C16orf89: variants seen among roughly 807,000 people sequenced by gnomAD.
C16orf89 encodes UPF0764 protein C16orf89.
In C16orf89, 57 loss-of-function variants were observed where a neutral mutation model predicts 41.5. That is an observed-to-expected ratio of 1.38 (90% confidence interval 1.11 to 1.71). C16orf89 has a LOEUF of 1.71. Ranked by LOEUF, C16orf89 falls within the 40% of genes most tolerant of loss-of-function variation. The pLI is 0.00. For synonymous variants in C16orf89, 223 were observed against 190.6 expected, an observed-to-expected ratio of 1.17 and a Z score of -1.40; for missense variants, 575 against 445.9, an observed-to-expected ratio of 1.29 and a Z score of -2.61.
rs1379027437 is a variant in C16orf89 at position 5,062,534 on chromosome 16, G to C, written c.249C>G (p.Pro83=). 7 of 1,613,490 alleles carry C rather than the reference G, an allele frequency of 4.3e-6. No individual in the cohort carries two copies. The South Asian group carries it at 7.7e-5, about 18-fold the overall frequency. ...CGCGCAGGCTCAGCGGCTGCAGCAG[G>C]GGCTCCTGGGCCCACTTCTCCCGGA... ...KSVREKWAQE[P]LLQPLSLRVG... The change falls in exon 2 of 8, where the codon CCC becomes CCG. Residue 83 remains proline, a synonymous_variant. Coordinates refer to ENST00000472572, the MANE Select transcript of C16orf89 (RefSeq NM_001098514.3).
chr16:5,045,002 C>T (rs1264784008), intron 7 of C16orf89, among the ~76,000 whole-genome samples: 3 of 152,176 alleles, frequency 2.0e-5, no homozygotes, highest in African/African-American at 7.2e-5. Context: ...TCCCAAATAA[C>T]TTACCAATAC....
At position 5,065,845 on chromosome 16, in the gene C16orf89, A is replaced by G. The variant is rs1401604880; in HGVS notation, c.64T>C (p.Ser22Pro). Residue 22 changes from serine to proline, a missense_variant, in exon 1 of 8, where the codon TCA becomes CCA. Transcript: ENST00000472572. ...TCAGCAGTGTCCAGCCCAGGCAGTG[A>G]GGAGGACCACAGCGGTGGCAGTGCT... ...LTALPPLWSS[S>P]LPGLDTAESK... 1 of 1,614,216 alleles carries G rather than the reference A, an allele frequency of 6.2e-7. No homozygotes were observed. Among genetic ancestry groups the G allele is most frequent in the South Asian group, 1.1e-5 (1 of 91,086 alleles).
intron 6 of C16orf89, 91 bp downstream of exon 6, chr16:5,055,155 C>T (rs1286855430): frequency 9.2e-7 from 1 of 1,090,518 alleles, no homozygotes; most frequent in Admixed American, 2.2e-5. Context: ...ACCTTAACAC[C>T]AATGCATTGT....
At chr16:5,050,920 T>TA (rs1433778802) in intron 6 of C16orf89, among the ~76,000 whole-genome samples, 1 of 152,208 alleles carries the variant, frequency 6.6e-6, no homozygotes, top group Non-Finnish European at 1.5e-5. Flanking sequence ...ATAAATATGA[T>TA]ACATTACACC....
intron 4 of C16orf89, among the ~76,000 whole-genome samples, chr16:5,057,456 G>A (rs1378100759): frequency 6.8e-6 from 1 of 147,054 alleles, no homozygotes. Context: ...ATAAAGAAAA[G>A]AAATATATAT....
chr16:5,051,213 C>G (rs1450742024), intron 6 of C16orf89, among the ~76,000 whole-genome samples: 1 of 151,846 alleles, frequency 6.6e-6, no homozygotes, highest in Admixed American at 6.6e-5. Flanking sequence ...AGCAATTAAG[C>G]AAGAGAAACA....
downstream of C16orf89, chr16:5,043,999 TAAAA>T (rs35753287): frequency 1.5e-4 from 58 of 376,874 alleles, no homozygotes; most frequent in Non-Finnish European, 2.0e-4. Flanking sequence ...ATCTATTAAT[TAAAA>T]AAAAAAAAAA....
chr16:5,055,506 C>G (rs1596694236), intron 5 of C16orf89, 156 bp from the exon 6 acceptor site: 1 of 944,664 alleles, frequency 1.1e-6, no homozygotes, highest in East Asian at 2.6e-5. Flanking sequence ...CAGCTTGAGC[C>G]TTTGCCTGAC....
intron 2 of C16orf89, among the ~76,000 whole-genome samples, chr16:5,061,511 C>CAAAA (rs71139679): frequency 1.4e-5 from 1 of 71,192 alleles, no homozygotes. Context: ...AAAACCCCCC[C>CAAAA]AAAAAAAAAA....
intron 4 of C16orf89, among the ~76,000 whole-genome samples, chr16:5,057,236 CAAAA>C (rs574771708): frequency 1.3e-5 from 1 of 76,378 alleles, no homozygotes; most frequent in South Asian, 3.5e-4. Flanking sequence ...GACTCCATCT[CAAAA>C]AAAAAAAAAG....
intron 7 of C16orf89, 46 bp downstream of exon 7, chr16:5,047,832 A>G (rs1339842868): frequency 9.2e-7 from 1 of 1,088,242 alleles, no homozygotes; most frequent in Non-Finnish European, 1.4e-6. Context: ...TTTTGCTAGG[A>G]TATCTTAGTT....
intron 6 of C16orf89, among the ~76,000 whole-genome samples, chr16:5,049,198 C>A (rs546010209): frequency 6.6e-6 from 1 of 152,054 alleles, no homozygotes; most frequent in African/African-American, 2.4e-5. Flanking sequence ...ACTGGAGAAC[C>A]CTAAAGCAAA....
In C16orf89 at chr16:5,044,314, C is replaced by T. The variant is rs1190903006; in HGVS notation, c.*34G>A. The T allele has an allele frequency of 6.4e-7, 1 of 1,567,886 alleles. No homozygotes were observed. Among genetic ancestry groups the T allele is most frequent in the South Asian group, 1.2e-5 (1 of 83,316 alleles). On this transcript the variant is annotated 3_prime_UTR_variant, in exon 8 of 8. Coordinates refer to ENST00000472572, the MANE Select transcript of C16orf89 (RefSeq NM_001098514.3). ...GGGATGAGGACTAAAGGGGTCTGTTCCTCCTCCAGGCAGCTGGCATGGAAC... is the reference window on the plus strand; with the variant it reads ...GGGATGAGGACTAAAGGGGTCTGTTTCTCCTCCAGGCAGCTGGCATGGAAC...
At chr16:5,065,622 A>G (rs1317359003) in intron 1 of C16orf89, 79 bp downstream of exon 1, 5 of 1,449,176 alleles carry the variant, frequency 3.5e-6, no homozygotes, top group African/African-American at 2.8e-5. Context: ...GCCAGGTCCC[A>G]GGCGTACAGA....
At chr16:5,054,557 C>T (rs559419075) in intron 6 of C16orf89, among the ~76,000 whole-genome samples, 52 of 152,282 alleles carry the variant, frequency 3.4e-4, no homozygotes, top group African/African-American at 1.2e-3. Context: ...TTCCTCAGGC[C>T]TCTAGTTTTC....
At chr16:5,054,210 G>A (rs994693260) in intron 6 of C16orf89, among the ~76,000 whole-genome samples, 2 of 152,170 alleles carry the variant, frequency 1.3e-5, no homozygotes, top group South Asian at 2.1e-4. Flanking sequence ...CAGGCTATGC[G>A]GCTTCAAATG....
intron 6 of C16orf89, among the ~76,000 whole-genome samples, chr16:5,050,867 C>G (rs888543454): frequency 5.3e-5 from 8 of 152,108 alleles, no homozygotes; most frequent in African/African-American, 1.9e-4. Context: ...AACAAGGGGA[C>G]TTTATTGGAG....
In C16orf89 at chr16:5,058,425, G is replaced by A. The variant is rs907385358; in HGVS notation, c.627+68C>T. The A allele has an allele frequency of 7.9e-6, 11 of 1,387,630 alleles. No homozygotes were observed. In the Admixed American group the frequency reaches 1.6e-4, roughly 20 times the overall value. 86.0% of individuals were successfully genotyped at this position (1,387,630 alleles called of 1,614,324 possible). A position where few individuals can be genotyped will look rare whatever the true frequency, so the allele number is the denominator to read the frequency against. ...TTGGATTACAGGCATGAGCCACCAC[G>A]TCCGGCTGCCCCTTTTCCTTTTTCC... is the stretch of plus-strand genomic sequence containing the variant. On this transcript the variant is annotated intron_variant, in intron 4 of 7. Transcript: ENST00000472572.
intron 2 of C16orf89, among the ~76,000 whole-genome samples, chr16:5,061,037 A>G (rs989316182): frequency 1.4e-5 from 2 of 147,468 alleles, no homozygotes; most frequent in African/African-American, 5.0e-5. Context: ...AAGGCGGGCG[A>G]ATCACTTGAG....
Sources: gnomAD v4.1 joint callset for allele counts (sites outside exome capture counted in the v4.1 genomes callset) on GRCh38, gnomAD v4.1.1 for gene constraint, MANE v1.5 for transcripts, NCBI Gene and HGNC (gene_info 2026-07-23, HGNC 2026-07-21) for gene names.